The following MARCHF5 variants were observed in gnomAD, a reference collection of about 807,000 sequenced individuals.
The protein encoded by MARCHF5 is membrane associated ring-CH-type finger 5.
A neutral mutation model predicts 36.5 loss-of-function variants in MARCHF5; 5 were observed. The observed-to-expected ratio is 0.14, with a 90% CI of 0.07 to 0.29. The LOEUF is 0.29. Ranked by LOEUF, MARCHF5 falls within the 10% of genes least tolerant of loss-of-function variation. The pLI is 1.00. For synonymous variants in MARCHF5, 103 were observed against 109.9 expected, an observed-to-expected ratio of 0.94 and a Z score of 0.39; for missense variants, 179 against 336.3, an observed-to-expected ratio of 0.53 and a Z score of 3.66.
chr10:92,330,564 A>T (rs1298248389), intron 2 of MARCHF5, among the ~76,000 whole-genome samples: 1 of 152,032 alleles, frequency 6.6e-6, no homozygotes, highest in African/African-American at 2.4e-5. Context: ...ATTTCCTGAA[A>T]TTGTCTTATT....
At chr10:92,332,017 T>C (rs1843442833) in intron 2 of MARCHF5, among the ~76,000 whole-genome samples, 1 of 148,434 alleles carries the variant, frequency 6.7e-6, no homozygotes, top group Admixed American at 6.8e-5. Context: ...CTGAAGTCTT[T>C]TATTCTTCAG....
At chr10:92,291,590 C>A in intron 1 of MARCHF5, 61 bp downstream of exon 1, 3 of 1,473,436 alleles carry the variant, frequency 2.0e-6, no homozygotes, top group Admixed American at 2.3e-5. Context: ...CTGCCCGCGC[C>A]CGCCCTCGAG....
At chr10:92,347,491 TAGATAGATAGATA>T (rs1436704753) in intron 3 of MARCHF5, among the ~76,000 whole-genome samples, 7 of 77,698 alleles carry the variant, frequency 9.0e-5, no homozygotes, top group African/African-American at 3.3e-4. Flanking sequence ...GATAGATAGA[TAGATAGATAGATA>T]GATAGATAGA....
intron 2 of MARCHF5, among the ~76,000 whole-genome samples, chr10:92,313,773 G>C (rs1270188481): frequency 6.6e-6 from 1 of 152,104 alleles, no homozygotes; most frequent in Admixed American, 6.6e-5. Context: ...CACACCTGTA[G>C]TCCCAGCTAC....
intron 2 of MARCHF5, among the ~76,000 whole-genome samples, chr10:92,332,515 CTTT>C (rs34226671): frequency 5.2e-5 from 5 of 95,934 alleles, no homozygotes; most frequent in African/African-American, 1.7e-4. Context: ...ATTCCCCATC[CTTT>C]TTTTTTTTTT....
At chr10:92,335,958 A>G (rs1345307639) in intron 2 of MARCHF5, among the ~76,000 whole-genome samples, 15 of 152,252 alleles carry the variant, frequency 9.9e-5, no homozygotes, top group Admixed American at 9.8e-4. Context: ...AGTTCAACAA[A>G]TGATTGAGAG....
At chr10:92,296,014 T>A (rs1356352908) in intron 1 of MARCHF5, among the ~76,000 whole-genome samples, 1 of 152,044 alleles carries the variant, frequency 6.6e-6, no homozygotes, top group Admixed American at 6.6e-5. Context: ...TAGCTGGGAT[T>A]ACAGGCATGT....
intron 2 of MARCHF5, among the ~76,000 whole-genome samples, chr10:92,323,066 T>C (rs1173536550): frequency 6.6e-6 from 1 of 151,886 alleles, no homozygotes; most frequent in African/African-American, 2.4e-5. Context: ...AGTCTTGCCA[T>C]GTTGCTCAGG....
chr10:92,311,072 C>T (rs1207209078), intron 1 of MARCHF5, 63 bp from the exon 2 acceptor site: 2 of 1,188,406 alleles, frequency 1.7e-6, no homozygotes, highest in African/African-American at 1.5e-5. Context: ...GTAAGAGCTG[C>T]AGTATAGAGG....
At chr10:92,350,919 GTC>G (rs1472855666) in intron 5 of MARCHF5, among the ~76,000 whole-genome samples, 170 bp from the exon 6 acceptor site, 1 of 152,082 alleles carries the variant, frequency 6.6e-6, no homozygotes, top group East Asian at 1.9e-4. Flanking sequence ...CGTATAGTCT[GTC>G]TCTCTCCCTA....
intron 2 of MARCHF5, among the ~76,000 whole-genome samples, chr10:92,339,943 G>T (rs1006252732): frequency 6.6e-6 from 1 of 152,070 alleles, no homozygotes; most frequent in Non-Finnish European, 1.5e-5. Context: ...ATCATAAAAA[G>T]AAATTTGTTA....
chr10:92,338,079 A>G (rs2135211955), intron 2 of MARCHF5, among the ~76,000 whole-genome samples: 1 of 151,954 alleles, frequency 6.6e-6, no homozygotes, highest in South Asian at 2.1e-4. Context: ...GGTCCCAGCT[A>G]CTTGGGGGCT....
chr10:92,323,181 A>C (rs1296807078), intron 2 of MARCHF5, among the ~76,000 whole-genome samples: 1 of 152,178 alleles, frequency 6.6e-6, no homozygotes, highest in East Asian at 1.9e-4. Context: ...AGCTGGGAGT[A>C]CAGGTGTATG....
intron 3 of MARCHF5, among the ~76,000 whole-genome samples, chr10:92,342,519 C>T (rs1843592380): frequency 6.6e-6 from 1 of 152,158 alleles, no homozygotes; most frequent in Non-Finnish European, 1.5e-5. Flanking sequence ...TTTGATGTGT[C>T]TTGTGTCTGT....
intron 2 of MARCHF5, among the ~76,000 whole-genome samples, chr10:92,328,800 A>ATT (rs1162540441): frequency 7.7e-6 from 1 of 129,336 alleles, no homozygotes; most frequent in African/African-American, 3.0e-5. Flanking sequence ...CAGTGAGGTT[A>ATT]TTATATATAT....
At chr10:92,304,668 T>A (rs1277315020) in intron 1 of MARCHF5, among the ~76,000 whole-genome samples, 1 of 152,238 alleles carries the variant, frequency 6.6e-6, no homozygotes, top group Non-Finnish European at 1.5e-5. Context: ...TATACTCATT[T>A]CTAATTGCTG....
chr10:92,323,582 G>A (rs930053904), intron 2 of MARCHF5, among the ~76,000 whole-genome samples: 4 of 151,910 alleles, frequency 2.6e-5, no homozygotes, highest in Admixed American at 1.3e-4. Flanking sequence ...ATCCCTCCCC[G>A]AGCTCCTGGC....
chr10:92,329,196 C>T (rs1034831029), intron 2 of MARCHF5, among the ~76,000 whole-genome samples: 7 of 152,136 alleles, frequency 4.6e-5, no homozygotes, highest in Non-Finnish European at 8.8e-5. Flanking sequence ...TTTCCTGCCA[C>T]AGGTGCTGAA....
chr10:92,336,140 A>G (rs1039460817), intron 2 of MARCHF5, among the ~76,000 whole-genome samples: 22 of 152,124 alleles, frequency 1.4e-4, no homozygotes, highest in African/African-American at 5.3e-4. Flanking sequence ...GGTTCGAGCG[A>G]TTCTTCTGCC....
Sources: allele counts gnomAD v4.1 joint callset (sites outside exome capture counted in the v4.1 genomes callset), GRCh38; gene constraint gnomAD v4.1.1; transcripts MANE v1.5; gene names NCBI Gene and HGNC (gene_info 2026-07-23, HGNC 2026-07-21).